The following ABCG8 variants were observed in gnomAD, a reference collection of about 807,000 sequenced individuals.
The protein encoded by ABCG8 is ATP-binding cassette sub-family G member 8.
ABCG8 carries 81 observed loss-of-function variants against 71.3 expected under a neutral mutation model. That is an observed-to-expected ratio of 1.14 (90% CI 0.95 to 1.37). The LOEUF (loss-of-function observed/expected upper bound fraction) is 1.37, where lower values mean the gene tolerates loss of function less well. Among genes scored for constraint, ABCG8 ranks in the 40% most tolerant of loss-of-function variants. ABCG8 has a pLI of 0.00. For synonymous variants in ABCG8, 451 were observed against 354.7 expected, an observed-to-expected ratio of 1.27 and a Z score of -3.05; for missense variants, 1,119 against 866.2, an observed-to-expected ratio of 1.29 and a Z score of -3.66.
chr2:43,875,691 C>T (rs1298383797), intron 11 of ABCG8, among the ~76,000 whole-genome samples: 1 of 152,200 alleles, frequency 6.6e-6, no homozygotes, highest in Non-Finnish European at 1.5e-5. Flanking sequence ...TCGATTCTGC[C>T]TCCTGTTTCT....
chr2:43,844,671 G>A, intron 2 of ABCG8, 63 bp downstream of exon 2: 1 of 1,390,154 alleles, frequency 7.2e-7, no homozygotes, highest in Non-Finnish European at 1.0e-6. Context: ...AATTCCCCGG[G>A]TGGAAATAAA....
intron 6 of ABCG8, among the ~76,000 whole-genome samples, chr2:43,869,636 A>G (rs1292743001): frequency 6.6e-6 from 1 of 151,374 alleles, no homozygotes; most frequent in Non-Finnish European, 1.5e-5. Flanking sequence ...TTTGGTTAGA[A>G]CTGTCACCCT....
chr2:43,874,417 G>C lies in ABCG8; in HGVS notation c.1422G>C (p.Glu474Asp), dbSNP rs1235969069. 6.2e-7 allele frequency: 1 copy of C among 1,611,844 alleles called. No homozygotes were observed. The highest frequency in any genetic ancestry group is 1.3e-5 in the African/African-American group (1 of 74,782). Reference sequence around the variant, plus strand: ...TCCCTTACTTTTTAGGTTACTCAGAGAGGGCAATGCTTTACTATGAACTGG... The same window carrying C: ...TCCCTTACTTTTTAGGTTACTCAGACAGGGCAATGCTTTACTATGAACTGG... The part of the protein sequence containing the change: ...ILDVISKCYS[E>D]RAMLYYELED... Residue 474 changes from glutamate (E) to aspartate (D), a missense_variant, in exon 10 of 13, where the codon GAG becomes GAC. Physicochemically the swap from Glu to Asp is conservative, Grantham distance 45 (BLOSUM62 2). Transcript: ENST00000272286.
chr2:43,873,858 C>T lies in ABCG8; in HGVS notation c.1283C>T (p.Ser428Leu). ...LIHGAEACLM[S>L]MTIGFLYFGH... ...CATGGGGCGGAGGCCTGTCTGATGT[C>T]AATGACCATCGGCTTCCTCTATTTT... Residue 428 changes from serine (S) to leucine (L), a missense_variant, in exon 9 of 13, where the codon TCA becomes TTA. Ser to Leu is a moderately radical substitution (Grantham distance 145). Transcript: ENST00000272286. 2 of 1,614,150 alleles carry T rather than the reference C, an allele frequency of 1.2e-6. No individual in the cohort carries two copies. Among genetic ancestry groups the T allele is most frequent in the Non-Finnish European group, 1.7e-6 (2 of 1,180,018 alleles).
chr2:43,862,512 C>G (rs1188185679), intron 6 of ABCG8, among the ~76,000 whole-genome samples: 1 of 150,542 alleles, frequency 6.6e-6, no homozygotes, highest in Non-Finnish European at 1.5e-5. Context: ...TTCTCACCAT[C>G]TAGATAGAAC....
Position 43,877,756 on chromosome 2 carries a change from C to T in ABCG8, c.1885-20C>T. 6.2e-7 allele frequency: 1 copy of T among 1,614,150 alleles called. No individual in the cohort carries two copies. Among genetic ancestry groups the T allele is most frequent in the Non-Finnish European group, 8.5e-7 (1 of 1,180,024 alleles). The stretch of plus-strand genomic sequence containing the variant: ...GCTTTCCATCCTCCTCATGAGCCCA[C>T]TGCATGTCTGTGTCTCCAGATCCTC... On this transcript the variant is annotated intron_variant, in intron 12 of 12. Coordinates refer to ENST00000272286, the MANE Select transcript of ABCG8 (RefSeq NM_022437.3).
chr2:43,876,927 T>G (rs535805961), intron 11 of ABCG8, among the ~76,000 whole-genome samples: 1 of 144,256 alleles, frequency 6.9e-6, no homozygotes, highest in South Asian at 2.2e-4. Flanking sequence ...GGGGAGATCA[T>G]GTGAATATGC....
chr2:43,863,673 ACC>A (rs1401301991), intron 6 of ABCG8, among the ~76,000 whole-genome samples: 1 of 151,452 alleles, frequency 6.6e-6, no homozygotes, highest in Non-Finnish European at 1.5e-5. Flanking sequence ...TAGAATTCTC[ACC>A]ATCTGGATAG....
intron 6 of ABCG8, 120 bp from the exon 7 acceptor site, chr2:43,871,856 A>G (rs1669785963): frequency 7.1e-7 from 1 of 1,407,520 alleles, no homozygotes; most frequent in Admixed American, 1.9e-5. Context: ...GGGTGGGGAG[A>G]ATGTCCCAGA....
Position 43,877,658 on chromosome 2 carries a change from G to C in ABCG8, c.1854G>C (p.Gly618=). The change falls in exon 12 of 13, where the codon GGG becomes GGC. Residue 618 remains glycine, a synonymous_variant. Transcript: ENST00000272286. ...GAAGAACTTATAAAATGCCTCTCGG[G>C]AACCTCACCATCGCGGTCTCAGGAG... is the stretch of plus-strand genomic sequence containing the variant. ...FSRRTYKMPL[G]NLTIAVSGDK... 1 of 1,614,070 alleles carries C rather than the reference G, an allele frequency of 6.2e-7. No individual in the cohort carries two copies.
chr2:43,858,220 G>T (rs1330043543), intron 6 of ABCG8, among the ~76,000 whole-genome samples: 1 of 151,510 alleles, frequency 6.6e-6, no homozygotes, highest in African/African-American at 2.4e-5. Context: ...CTCACTCTCT[G>T]GATAGAACTC....
intron 3 of ABCG8, among the ~76,000 whole-genome samples, chr2:43,850,873 G>A (rs1487887145): frequency 6.7e-6 from 1 of 148,282 alleles, no homozygotes; most frequent in African/African-American, 2.5e-5. Flanking sequence ...TCACACCATT[G>A]CACTCCAGCC....
chr2:43,852,128 C>T (rs911294802), intron 4 of ABCG8, among the ~76,000 whole-genome samples: 2 of 152,244 alleles, frequency 1.3e-5, no homozygotes, highest in African/African-American at 4.8e-5. Flanking sequence ...CAATACACTG[C>T]CACGTTCCTA....
intron 6 of ABCG8, among the ~76,000 whole-genome samples, chr2:43,856,098 C>G (rs568578874): frequency 6.6e-6 from 1 of 152,022 alleles, no homozygotes; most frequent in African/African-American, 2.4e-5. Context: ...TTCTAACTAT[C>G]TGTATAGAAT....
intron 6 of ABCG8, among the ~76,000 whole-genome samples, chr2:43,868,141 C>T (rs1669600395): frequency 6.6e-6 from 1 of 150,866 alleles, no homozygotes; most frequent in East Asian, 1.9e-4. Flanking sequence ...ATGGATAGAA[C>T]TCTCAGTATC....
At chr2:43,853,860 C>T (rs1345754341) in intron 6 of ABCG8, among the ~76,000 whole-genome samples, 1 of 152,160 alleles carries the variant, frequency 6.6e-6, no homozygotes, top group Non-Finnish European at 1.5e-5. Flanking sequence ...CCTAGTGTCC[C>T]AAGTTCTCCA....
At chr2:43,862,157 T>A (rs922407482) in intron 6 of ABCG8, among the ~76,000 whole-genome samples, 1,676 of 139,870 alleles carry the variant, frequency 0.012, no homozygotes, top group Middle Eastern at 0.035. Flanking sequence ...TCTGGCTAGA[T>A]TTCTCACCAT....
chr2:43,873,794 A>G lies in ABCG8; in HGVS notation c.1219A>G (p.Ile407Val). The G allele has an allele frequency of 6.2e-7, 1 of 1,613,992 alleles. No homozygotes were observed. The highest frequency in any genetic ancestry group is 8.5e-7 in the Non-Finnish European group (1 of 1,180,010). Residue 407 changes from isoleucine (I) to valine (V), a missense_variant, in exon 9 of 13, where the codon ATT becomes GTT. Ile to Val is a conservative substitution (Grantham distance 29, BLOSUM62 3). Transcript: ENST00000272286. ...TTCCTTTTGGTTTTTAAGTCGTCAGATTTCCAACGACTTCCGAGACCTGCC... is the reference window on the plus strand; with the variant it reads ...TTCCTTTTGGTTTTTAAGTCGTCAGGTTTCCAACGACTTCCGAGACCTGCC... ...QQFTTLIRRQ[I>V]SNDFRDLPTL...
chr2:43,863,990 A>G (rs139378487), intron 6 of ABCG8, among the ~76,000 whole-genome samples: 1 of 151,316 alleles, frequency 6.6e-6, no homozygotes, highest in East Asian at 2.0e-4. Flanking sequence ...ATCTGGATAT[A>G]ATTCTCACTC....
Sources: gnomAD v4.1 joint callset for allele counts (sites outside exome capture counted in the v4.1 genomes callset) on GRCh38, gnomAD v4.1.1 for gene constraint, MANE v1.5 for transcripts, NCBI Gene and HGNC (gene_info 2026-07-23, HGNC 2026-07-21) for gene names.